Variants in PCCA observed in about 807,000 individuals in gnomAD.
The protein encoded by PCCA is propionyl-CoA carboxylase alpha chain, mitochondrial.
PCCA carries 74 observed loss-of-function variants against 101.3 expected under a neutral mutation model. The observed-to-expected ratio is 0.73, with a 90% CI of 0.61 to 0.89. The LOEUF (loss-of-function observed/expected upper bound fraction) is 0.89. PCCA is among the 40% of genes least tolerant of loss of function. The pLI is 0.00. For synonymous variants in PCCA, 294 were observed against 313.6 expected (o/e 0.94, Z 0.66); for missense variants, 891 against 907.0 (o/e 0.98, Z 0.23).
In PCCA at chr13:100,224,857, A is replaced by G. The variant is rs143325606; in HGVS notation, c.601-10985A>G. Among the ~76,000 whole-genome samples the G allele has an allele frequency of 1.7e-3, 255 of 152,314 alleles. 1 individual carries two copies. The highest frequency in any genetic ancestry group is 5.9e-3 in the African/African-American group (245 of 41,570). ...TATTGCAAAAGCCTGGAGGTGAGAGACAGTGAGAACTCTGGAAAACTGCAG... is the reference window on the plus strand; with the variant it reads ...TATTGCAAAAGCCTGGAGGTGAGAGGCAGTGAGAACTCTGGAAAACTGCAG... On this transcript the variant is annotated intron_variant, in intron 7 of 23. Transcript: ENST00000376285.
chr13:100,232,728 C>T (rs1451054570), intron 7 of PCCA, among the ~76,000 whole-genome samples: 6 of 152,134 alleles, frequency 3.9e-5, no homozygotes, highest in Non-Finnish European at 7.3e-5. Flanking sequence ...TCCAGAAGGG[C>T]CCTTTCTGAG....
intron 1 of PCCA, among the ~76,000 whole-genome samples, chr13:100,096,959 C>T (rs944712928): frequency 3.9e-5 from 6 of 152,066 alleles, no homozygotes; most frequent in East Asian, 1.9e-4. Flanking sequence ...GAGGCCGAGG[C>T]GAGTGGATCA....
At chr13:100,450,021 A>G (rs2081106215) in intron 21 of PCCA, among the ~76,000 whole-genome samples, 2 of 152,212 alleles carry the variant, frequency 1.3e-5, no homozygotes, top group Non-Finnish European at 2.9e-5. Flanking sequence ...TCAATTTATT[A>G]TTACTATTTT....
rs187957504 is a variant in PCCA, at chr13:100,410,583, T to C, written c.1747-15050T>C. ...AGTCTACACACAGTGGAGCTACTAGTGTAGTGAGCACCATGTGCAGTTCTT... is the reference window on the plus strand; with the variant it reads ...AGTCTACACACAGTGGAGCTACTAGCGTAGTGAGCACCATGTGCAGTTCTT... On this transcript the variant is annotated intron_variant, in intron 19 of 23. Transcript: ENST00000376285. Among the ~76,000 whole-genome samples, 30 of 152,340 alleles carry C rather than the reference T, an allele frequency of 2.0e-4. No individual in the cohort carries two copies. In the East Asian group the frequency reaches 4.8e-3, roughly 25 times the overall value.
At chr13:100,186,104 T>G (rs996312699) in intron 6 of PCCA, among the ~76,000 whole-genome samples, 1 of 152,250 alleles carries the variant, frequency 6.6e-6, no homozygotes, top group Non-Finnish European at 1.5e-5. Flanking sequence ...GAATCAATAT[T>G]TTATCATTCT....
intron 16 of PCCA, among the ~76,000 whole-genome samples, chr13:100,322,193 A>G (rs2068129506): frequency 6.6e-6 from 1 of 152,190 alleles, no homozygotes; most frequent in African/African-American, 2.4e-5. Context: ...TTGAATTGCC[A>G]AAGCTGAGTT....
intron 4 of PCCA, among the ~76,000 whole-genome samples, chr13:100,126,923 T>C (rs1184593787): frequency 1.3e-5 from 2 of 152,210 alleles, no homozygotes; most frequent in Non-Finnish European, 2.9e-5. Flanking sequence ...ATGGCTGTTA[T>C]TGAAATCCAT....
chr13:100,170,096 A>G (rs570122253), intron 6 of PCCA, among the ~76,000 whole-genome samples: 1 of 152,354 alleles, frequency 6.6e-6, no homozygotes, highest in South Asian at 2.1e-4. Context: ...ATTCAAATTT[A>G]GAATTCTGGA....
chr13:100,417,004 T>C (rs2078418914), intron 19 of PCCA, among the ~76,000 whole-genome samples: 2 of 151,528 alleles, frequency 1.3e-5, no homozygotes, highest in Admixed American at 6.6e-5. Flanking sequence ...CCACCACGCC[T>C]GGCTAATTTT....
At chr13:100,187,981 T>C (rs1224969140) in intron 6 of PCCA, among the ~76,000 whole-genome samples, 1 of 152,056 alleles carries the variant, frequency 6.6e-6, no homozygotes, top group Admixed American at 6.6e-5. Context: ...AGCTCCTACT[T>C]ATGGGTGAGA....
intron 12 of PCCA, among the ~76,000 whole-genome samples, chr13:100,295,206 T>G (rs2065434021): frequency 6.6e-6 from 1 of 152,198 alleles, no homozygotes; most frequent in Admixed American, 6.5e-5. Flanking sequence ...GAGCAGAATC[T>G]TTCTGAACAG....
intron 6 of PCCA, among the ~76,000 whole-genome samples, chr13:100,206,519 C>G (rs1187603839): frequency 1.3e-5 from 2 of 152,176 alleles, no homozygotes; most frequent in Non-Finnish European, 2.9e-5. Context: ...CTTGGCCTCC[C>G]AAAGTGCTGG....
At chr13:100,271,271 A>G (rs963014714) in intron 11 of PCCA, among the ~76,000 whole-genome samples, 46 of 152,144 alleles carry the variant, frequency 3.0e-4, no homozygotes, top group African/African-American at 1.0e-3. Context: ...ATGTCTATAC[A>G]TTAGGTTAAT....
At chr13:100,208,338 G>A (rs563731194) in intron 6 of PCCA, among the ~76,000 whole-genome samples, 2 of 152,228 alleles carry the variant, frequency 1.3e-5, no homozygotes, top group East Asian at 3.9e-4. Flanking sequence ...AAGATTCTTT[G>A]CAGGCAGCAA....
chr13:100,456,328 A>G (rs2081705971), intron 21 of PCCA, among the ~76,000 whole-genome samples: 1 of 152,206 alleles, frequency 6.6e-6, no homozygotes, highest in Non-Finnish European at 1.5e-5. Context: ...GCTTTTCAAT[A>G]AGGCAAGAGG....
intron 8 of PCCA, among the ~76,000 whole-genome samples, chr13:100,248,506 G>T (rs1030376126): frequency 6.6e-6 from 1 of 152,172 alleles, no homozygotes; most frequent in Non-Finnish European, 1.5e-5. Flanking sequence ...TAGGCACATA[G>T]TAGTATCTCA....
intron 6 of PCCA, among the ~76,000 whole-genome samples, chr13:100,159,990 G>A (rs935930197): frequency 3.3e-5 from 5 of 152,142 alleles, no homozygotes; most frequent in Non-Finnish European, 4.4e-5. Flanking sequence ...AATGATTTGT[G>A]CTTTATCTGA....
At chr13:100,413,607 T>C (rs1172181125) in intron 19 of PCCA, among the ~76,000 whole-genome samples, 1 of 152,148 alleles carries the variant, frequency 6.6e-6, no homozygotes, top group African/African-American at 2.4e-5. Context: ...CCAGCATTCA[T>C]TGAGGGCTTA....
chr13:100,513,396 C>A (rs1346405088), intron 21 of PCCA, among the ~76,000 whole-genome samples: 1 of 152,218 alleles, frequency 6.6e-6, no homozygotes, highest in Non-Finnish European at 1.5e-5. Flanking sequence ...AAAGGAACAT[C>A]TCATCAGTAA....
Sources: gnomAD v4.1 joint callset for allele counts (sites outside exome capture counted in the v4.1 genomes callset) on GRCh38, gnomAD v4.1.1 for gene constraint, MANE v1.5 for transcripts, NCBI Gene and HGNC (gene_info 2026-07-23, HGNC 2026-07-21) for gene names.